Variants in RNGTT observed in about 807,000 individuals in gnomAD.
RNGTT encodes the protein RNA guanylyltransferase and 5'-phosphatase.
Under a neutral mutation model 79.3 loss-of-function variants are expected in RNGTT, and 33 were observed. The ratio of observed to expected loss-of-function variants is 0.42; its 90% CI spans 0.32 to 0.56. The LOEUF is 0.56. Ranked by LOEUF, RNGTT falls within the 20% of genes least tolerant of loss-of-function variation. The probability of loss-of-function intolerance (pLI) is 0.17; values close to 1 mark genes in which losing one functional copy is unlikely to be tolerated. For synonymous variants in RNGTT, 222 were observed against 235.9 expected (o/e 0.94, Z 0.54); for missense variants, 497 against 739.1 (o/e 0.67, Z 3.80).
chr6:88,758,055 G>A (rs1042420868), intron 13 of RNGTT, among the ~76,000 whole-genome samples: 1 of 152,036 alleles, frequency 6.6e-6, no homozygotes, highest in Non-Finnish European at 1.5e-5. Context: ...TTTCATATCT[G>A]TTTTTTCTTC....
chr6:88,623,616 ATTC>A (rs1262454259), intron 14 of RNGTT, among the ~76,000 whole-genome samples: 1 of 152,072 alleles, frequency 6.6e-6, no homozygotes, highest in African/African-American at 2.4e-5. Context: ...AGTGTCTCAG[ATTC>A]TTGTGACAGC....
chr6:88,909,988 C>T (rs1783780864), intron 4 of RNGTT, among the ~76,000 whole-genome samples: 1 of 151,716 alleles, frequency 6.6e-6, no homozygotes, highest in Admixed American at 6.6e-5. Context: ...AAAACCCATT[C>T]AATCAACAGC....
intron 13 of RNGTT, among the ~76,000 whole-genome samples, chr6:88,714,807 G>A (rs1482683330): frequency 1.3e-5 from 2 of 152,090 alleles, no homozygotes; most frequent in African/African-American, 2.4e-5. Flanking sequence ...TTTGTGAAAT[G>A]ACGTATCTCA....
intron 14 of RNGTT, among the ~76,000 whole-genome samples, chr6:88,669,716 G>A (rs76497529): frequency 0.02 from 3,105 of 152,298 alleles, 115 homozygotes; most frequent in African/African-American, 0.069. Context: ...CTGATCAATG[G>A]GCAGGCAGTT....
chr6:88,658,385 C>T (rs527630973), intron 14 of RNGTT, among the ~76,000 whole-genome samples: 1 of 152,300 alleles, frequency 6.6e-6, no homozygotes, highest in East Asian at 1.9e-4. Context: ...TGCTGGTATC[C>T]ACAGCTGGAA....
At chr6:88,647,715 A>AAAAAAAAAAAAAAAAGAAAAAAGAAG (rs531898293) in intron 14 of RNGTT, among the ~76,000 whole-genome samples, 15 of 142,502 alleles carry the variant, frequency 1.1e-4, no homozygotes, top group African/African-American at 4.5e-4. Flanking sequence ...AAAAAAAAAA[A>AAAAAAAAAAAAAAAAGAAAAAAGAAG]AAGAAGAAGA....
At chr6:88,956,975 A>G (rs1474910008) in intron 1 of RNGTT, among the ~76,000 whole-genome samples, 15 of 152,102 alleles carry the variant, frequency 9.9e-5, no homozygotes, top group Admixed American at 9.8e-4. Context: ...AGAGGTTGCA[A>G]TGAGCTGAGA....
chr6:88,920,921 A>G (rs1425235968), intron 4 of RNGTT, among the ~76,000 whole-genome samples: 1 of 152,198 alleles, frequency 6.6e-6, no homozygotes, highest in Non-Finnish European at 1.5e-5. Flanking sequence ...GATTCTGTTC[A>G]TGTGGATTGA....
In RNGTT at chr6:88,655,997, T is replaced by G. The variant is rs1582286415; in HGVS notation, c.1506+22356A>C. ...GCTCTAGAAAACAACACAGAGTAAC[T>G]GGTGTAAAATGTAAACTATTAAACT... On this transcript the variant is annotated intron_variant, in intron 14 of 15. Coordinates refer to ENST00000369485, the MANE Select transcript of RNGTT (RefSeq NM_003800.5). Among the ~76,000 whole-genome samples the G allele has an allele frequency of 2.0e-5, 3 of 152,158 alleles. No individual in the cohort carries two copies. In the South Asian group the frequency reaches 6.2e-4, roughly 31 times the overall value.
chr6:88,667,509 C>T (rs989505059), intron 14 of RNGTT, among the ~76,000 whole-genome samples: 45 of 152,156 alleles, frequency 3.0e-4, no homozygotes, highest in African/African-American at 1.0e-3. Context: ...TTGAAGATCT[C>T]CAAGTAGACT....
At chr6:88,661,124 G>T (rs1209140664) in intron 14 of RNGTT, among the ~76,000 whole-genome samples, 1 of 152,098 alleles carries the variant, frequency 6.6e-6, no homozygotes, top group Non-Finnish European at 1.5e-5. Flanking sequence ...ATTGAATGAT[G>T]ATAGTGACAC....
chr6:88,888,977 G>A (rs868267150), intron 8 of RNGTT, among the ~76,000 whole-genome samples: 10 of 152,138 alleles, frequency 6.6e-5, no homozygotes, highest in Admixed American at 2.6e-4. Flanking sequence ...GTGGTGAGCC[G>A]AGATCGTGCC....
chr6:88,856,723 T>C (rs1005275124), intron 8 of RNGTT, among the ~76,000 whole-genome samples: 3 of 152,144 alleles, frequency 2.0e-5, no homozygotes, highest in African/African-American at 7.2e-5. Context: ...AATCATATGT[T>C]CTTTTGTTAT....
intron 13 of RNGTT, among the ~76,000 whole-genome samples, chr6:88,704,549 T>C (rs1400760402): frequency 6.6e-6 from 1 of 152,180 alleles, no homozygotes; most frequent in Non-Finnish European, 1.5e-5. Context: ...TGAGAAGATA[T>C]GAAATGTTTC....
intron 14 of RNGTT, among the ~76,000 whole-genome samples, chr6:88,666,698 A>AGCT (rs1444117988): frequency 5.9e-5 from 9 of 152,162 alleles, no homozygotes; most frequent in Non-Finnish European, 1.3e-4. Context: ...GTAGACTGGG[A>AGCT]GCTGTATGTG....
chr6:88,801,961 C>T (rs1218946762), intron 11 of RNGTT, among the ~76,000 whole-genome samples: 1 of 151,816 alleles, frequency 6.6e-6, no homozygotes, highest in East Asian at 1.9e-4. Flanking sequence ...AAATGTATTC[C>T]TAAGCCAGCA....
chr6:88,651,161 T>C (rs2756382), intron 14 of RNGTT, among the ~76,000 whole-genome samples: 105,169 of 151,878 alleles, frequency 0.69, 37,618 homozygotes, highest in African/African-American at 0.86. Context: ...TGGTCTTTGT[T>C]GTTAAAACCA....
At chr6:88,727,886 A>C (rs996032380) in intron 13 of RNGTT, among the ~76,000 whole-genome samples, 18 of 152,214 alleles carry the variant, frequency 1.2e-4, no homozygotes, top group African/African-American at 4.1e-4. Flanking sequence ...TAGCAGAGGT[A>C]CCACCCCTAG....
intron 11 of RNGTT, among the ~76,000 whole-genome samples, chr6:88,809,563 T>C (rs1440536571): frequency 1.3e-5 from 2 of 152,172 alleles, no homozygotes; most frequent in African/African-American, 4.8e-5. Context: ...ATGTCAATAT[T>C]TGGAAAGTCA....
Sources: allele counts gnomAD v4.1 joint callset (sites outside exome capture counted in the v4.1 genomes callset), GRCh38; gene constraint gnomAD v4.1.1; transcripts MANE v1.5; gene names NCBI Gene and HGNC (gene_info 2026-07-23, HGNC 2026-07-21).